The following SLC18A2 variants were observed in gnomAD, a reference collection of about 807,000 sequenced individuals.
SLC18A2 encodes solute carrier family 18 member A2, also known as synaptic vesicular amine transporter.
In SLC18A2, 33 loss-of-function variants were observed where a neutral mutation model predicts 59.2. That is an observed-to-expected ratio of 0.56 (90% CI 0.42 to 0.75). The LOEUF is 0.75. Among genes scored for constraint, SLC18A2 ranks in the 30% least tolerant of loss-of-function variants. The pLI, the probability that SLC18A2 is intolerant of heterozygous loss-of-function variation, is 0.00. For synonymous variants in SLC18A2, 228 were observed against 253.5 expected (o/e 0.90, Z 0.95); for missense variants, 569 against 668.6 (o/e 0.85, Z 1.64).
chr10:117,272,011 G>A (rs1844433312), intron 15 of SLC18A2, among the ~76,000 whole-genome samples: 1 of 152,136 alleles, frequency 6.6e-6, no homozygotes, highest in Non-Finnish European at 1.5e-5. Flanking sequence ...AAGACTCCTG[G>A]GAGATAGTTA....
intron 2 of SLC18A2, 76 bp from the exon 3 acceptor site, chr10:117,243,895 A>G (rs1303348390): frequency 7.4e-6 from 9 of 1,223,696 alleles, no homozygotes; most frequent in Non-Finnish European, 1.0e-5. Context: ...CGACACAACC[A>G]TAGTTTTTTG....
At chr10:117,245,722 A>G (rs2133727049) in intron 3 of SLC18A2, among the ~76,000 whole-genome samples, 1 of 152,192 alleles carries the variant, frequency 6.6e-6, no homozygotes, top group East Asian at 1.9e-4. Flanking sequence ...AGGGGCACCG[A>G]GAGGTGAGGA....
At chr10:117,260,166 C>T (rs1844279060) in intron 10 of SLC18A2, among the ~76,000 whole-genome samples, 1 of 152,162 alleles carries the variant, frequency 6.6e-6, no homozygotes, top group Non-Finnish European at 1.5e-5. Context: ...CTGTTTCAGC[C>T]TCTTGTGTTG....
At chr10:117,263,432 G>A (rs1273325488) in intron 10 of SLC18A2, among the ~76,000 whole-genome samples, 2 of 152,164 alleles carry the variant, frequency 1.3e-5, no homozygotes. Context: ...TTGAAGTCAG[G>A]GCAAACAATC....
chr10:117,266,089 C>CAAAAAAAAA, intron 10 of SLC18A2, among the ~76,000 whole-genome samples: 1 of 72,170 alleles, frequency 1.4e-5, no homozygotes, highest in Non-Finnish European at 2.5e-5. Flanking sequence ...GACTCCATCT[C>CAAAAAAAAA]AAAAAAAAAA....
In SLC18A2 at chr10:117,255,285, C is replaced by T. The variant is rs763139552; in HGVS notation, c.709C>T (p.Pro237Ser). The change falls in exon 7 of 16, where the codon CCC becomes TCC. Residue 237 changes from proline (P) to serine (S), a missense_variant. Transcript: ENST00000644641. ...ACTTTCTCTCCCTGCAGTGGGCCCC[C>T]CCTTCGGGAGTGTGCTCTATGAGTT... ...GLAMGVLVGPPFGSVLYEFVG... is the reference protein window; with the variant it reads ...GLAMGVLVGPSFGSVLYEFVG... The T allele has an allele frequency of 1.2e-6, 2 of 1,614,188 alleles. No homozygotes were observed. The highest frequency in any genetic ancestry group is 1.7e-6 in the Non-Finnish European group (2 of 1,180,038).
chr10:117,261,930 C>T (rs539380821), intron 10 of SLC18A2, among the ~76,000 whole-genome samples: 51 of 151,558 alleles, frequency 3.4e-4, no homozygotes, highest in Non-Finnish European at 6.2e-4. Context: ...TTTTTTGAGA[C>T]GGAGTCTCAG....
chr10:117,271,667 C>T lies in SLC18A2; in HGVS notation c.1440+1204C>T, dbSNP rs116631060. 6.4e-3 allele frequency among the ~76,000 whole-genome samples: 973 copies of T among 152,266 alleles called. 13 individuals carry two copies. The highest frequency in any genetic ancestry group is 0.022 in the African/African-American group (926 of 41,534). On this transcript the variant is annotated intron_variant, in intron 15 of 15. Transcript: ENST00000644641. ...GAAGCCATCCCCTTGTCCTTCCCTC[C>T]GCTTGCTTAGATGCTTCCCCAGCTC...
chr10:117,271,534 C>T (rs771645971), intron 15 of SLC18A2, among the ~76,000 whole-genome samples: 1 of 152,192 alleles, frequency 6.6e-6, no homozygotes, highest in South Asian at 2.1e-4. Context: ...GGGCACTGGC[C>T]TTGTGCCCTT....
At chr10:117,254,556 C>A in intron 6 of SLC18A2, 59 bp downstream of exon 6, 1 of 1,276,336 alleles carries the variant, frequency 7.8e-7, no homozygotes, top group Non-Finnish European at 1.1e-6. Context: ...TGCTGGACAG[C>A]GGCAGTCCTC....
At chr10:117,264,165 A>G (rs1173916661) in intron 10 of SLC18A2, among the ~76,000 whole-genome samples, 1 of 152,226 alleles carries the variant, frequency 6.6e-6, no homozygotes, top group Non-Finnish European at 1.5e-5. Flanking sequence ...ACCAAAATGT[A>G]GAAGATCTCC....
At chr10:117,260,325 A>G (rs577250543) in intron 10 of SLC18A2, among the ~76,000 whole-genome samples, 1 of 152,162 alleles carries the variant, frequency 6.6e-6, no homozygotes, top group Non-Finnish European at 1.5e-5. Context: ...CCTTCACAGT[A>G]CCCGAAGCTT....
chr10:117,241,899 G>A, intron 2 of SLC18A2, 85 bp downstream of exon 2: 3 of 1,329,874 alleles, frequency 2.3e-6, no homozygotes, highest in Non-Finnish European at 3.0e-6. Context: ...GCGCGGTCCC[G>A]GAGCTCCGCC....
chr10:117,262,183 G>T (rs1844300573), intron 10 of SLC18A2, among the ~76,000 whole-genome samples: 1 of 152,174 alleles, frequency 6.6e-6, no homozygotes, highest in African/African-American at 2.4e-5. Context: ...GGGATTACAG[G>T]CGTGAGCCAC....
chr10:117,247,322 G>T (rs1844119592), intron 3 of SLC18A2, among the ~76,000 whole-genome samples: 1 of 152,200 alleles, frequency 6.6e-6, no homozygotes, highest in Non-Finnish European at 1.5e-5. Flanking sequence ...ATCAGAGCTT[G>T]CAGAGACTTT....
intron 10 of SLC18A2, among the ~76,000 whole-genome samples, chr10:117,260,015 G>A (rs1207548396): frequency 6.6e-6 from 1 of 151,968 alleles, no homozygotes; most frequent in Non-Finnish European, 1.5e-5. Context: ...AGTTATTCCT[G>A]TTCATCTTTT....
At chr10:117,274,757 G>A (rs547102795) in intron 15 of SLC18A2, among the ~76,000 whole-genome samples, 5 of 152,230 alleles carry the variant, frequency 3.3e-5, no homozygotes, top group Non-Finnish European at 5.9e-5. Flanking sequence ...ATAGGATAGC[G>A]TTCCCTGGGC....
chr10:117,277,243 G>A lies in SLC18A2; in HGVS notation c.1522G>A (p.Asp508Asn), dbSNP rs1478003522. The A allele has an allele frequency of 2.5e-6, 4 of 1,608,090 alleles. No individual in the cohort carries two copies. Among genetic ancestry groups the A allele is most frequent in the South Asian group, 1.1e-5 (1 of 90,786 alleles). The change falls in exon 16 of 16, where the codon GAT becomes AAT. Residue 508 changes from aspartate to asparagine, a missense_variant. Physicochemically the swap from Asp to Asn is conservative, Grantham distance 23 (BLOSUM62 1). Transcript: ENST00000644641. ...NNIQSYPIGE[D>N]EESESD is the part of the protein sequence containing the mutation. ...TATCCAGTCATATCCGATAGGTGAA[G>A]ATGAAGAATCTGAAAGTGACTGAGA...
At chr10:117,262,227 G>T (rs1037126800) in intron 10 of SLC18A2, among the ~76,000 whole-genome samples, 1 of 148,402 alleles carries the variant, frequency 6.7e-6, no homozygotes, top group Non-Finnish European at 1.5e-5. Context: ...TTTAAACCAC[G>T]TGAATTGTGT....
Sources: gnomAD v4.1 joint callset for allele counts (sites outside exome capture counted in the v4.1 genomes callset) on GRCh38, gnomAD v4.1.1 for gene constraint, MANE v1.5 for transcripts, NCBI Gene and HGNC (gene_info 2026-07-23, HGNC 2026-07-21) for gene names.